CCDC149: variants seen among roughly 807,000 people sequenced by gnomAD.
The protein encoded by CCDC149 is coiled-coil domain containing 149.
A neutral mutation model predicts 59.9 loss-of-function variants in CCDC149; 45 were observed. That is an observed-to-expected ratio of 0.75 (90% CI 0.59 to 0.96). CCDC149 has a LOEUF of 0.96. Among genes scored for constraint, CCDC149 ranks in the 40% least tolerant of loss-of-function variants. The pLI is 0.00. For synonymous variants in CCDC149, 245 were observed against 260.6 expected, an observed-to-expected ratio of 0.94 and a Z score of 0.58; for missense variants, 584 against 664.7, an observed-to-expected ratio of 0.88 and a Z score of 1.33.
rs1714285476 is a variant in CCDC149, at chr4:24,807,591, T to G, written c.*798A>C. The G allele has an allele frequency of 6.6e-6, 1 of 152,108 alleles. No individual in the cohort carries two copies. Among genetic ancestry groups the G allele is most frequent in the Non-Finnish European group, 1.5e-5 (1 of 68,038 alleles). 9.4% of individuals were successfully genotyped at this position (152,108 alleles called of 1,614,324 possible). On this transcript the variant is annotated 3_prime_UTR_variant, in exon 13 of 13. Coordinates refer to ENST00000635206, the MANE Select transcript of CCDC149 (RefSeq NM_001330643.2). Reference sequence around the variant, plus strand: ...AATGCAGAGAATGAGCATTTCCAGGTGGTAGCTCTCATCTCATCTCACAAA... The same window carrying G: ...AATGCAGAGAATGAGCATTTCCAGGGGGTAGCTCTCATCTCATCTCACAAA...
intron 9 of CCDC149, chr4:24,828,580 C>T (rs1192960502): frequency 6.6e-6 from 1 of 152,008 alleles, no homozygotes; most frequent in East Asian, 1.9e-4. Flanking sequence ...GAGTTTGAGA[C>T]CAGCCTGGGC....
At chr4:24,927,327 G>A (rs13116411) in intron 1 of CCDC149, among the ~76,000 whole-genome samples, 53,029 of 152,058 alleles carry the variant, frequency 0.35, 10,073 homozygotes, top group African/African-American at 0.51. Flanking sequence ...AAGATCTTAC[G>A]TTATTAAAAA....
chr4:24,869,578 A>G (rs941522731), intron 3 of CCDC149, among the ~76,000 whole-genome samples: 2 of 152,180 alleles, frequency 1.3e-5, no homozygotes, highest in Admixed American at 6.5e-5. Context: ...TCAACCTGCT[A>G]ACATACAATT....
intron 1 of CCDC149, among the ~76,000 whole-genome samples, chr4:24,938,743 T>A (rs1722856625): frequency 6.6e-6 from 1 of 152,238 alleles, no homozygotes; most frequent in Admixed American, 6.5e-5. Flanking sequence ...CACCAGGAGA[T>A]TATATCCCGC....
intron 4 of CCDC149, among the ~76,000 whole-genome samples, chr4:24,846,310 C>T (rs941814843): frequency 2.6e-5 from 4 of 152,188 alleles, no homozygotes; most frequent in African/African-American, 9.7e-5. Context: ...GCCCTTCTCA[C>T]TCATTGTAAT....
At chr4:24,971,221 A>T (rs970392095) in intron 1 of CCDC149, among the ~76,000 whole-genome samples, 1 of 152,196 alleles carries the variant, frequency 6.6e-6, no homozygotes, top group African/African-American at 2.4e-5. Flanking sequence ...CTGGGTCCTA[A>T]TAGTCATAAG....
At chr4:24,854,806 G>C (rs563202394) in intron 3 of CCDC149, among the ~76,000 whole-genome samples, 8 of 152,236 alleles carry the variant, frequency 5.3e-5, no homozygotes, top group South Asian at 4.1e-4. Flanking sequence ...CACAGACCAG[G>C]CATGATCCTA....
chr4:24,946,749 G>T (rs1723120353), intron 1 of CCDC149, among the ~76,000 whole-genome samples: 1 of 152,144 alleles, frequency 6.6e-6, no homozygotes, highest in Admixed American at 6.5e-5. Context: ...CCATCCTAGT[G>T]GGCAAGTTAA....
rs184451941 is a variant in CCDC149, at chr4:24,935,060, G to A, written c.-64-39942C>T. 3.1e-3 allele frequency among the ~76,000 whole-genome samples: 466 copies of A among 152,316 alleles called. 2 individuals carry two copies. The highest frequency in any genetic ancestry group is 0.01 in the African/African-American group (418 of 41,572). ...ATTAGAGGAAAGAAGGAGGATAGGT[G>A]GGATGAGGGAGACCAGATAGCAGGC... On this transcript the variant is annotated intron_variant, in intron 1 of 12. Coordinates refer to the CCDC149 transcript ENST00000389609.
chr4:24,867,783 CA>C (rs1356559418), intron 3 of CCDC149, among the ~76,000 whole-genome samples: 1 of 152,238 alleles, frequency 6.6e-6, no homozygotes, highest in Non-Finnish European at 1.5e-5. Flanking sequence ...GAAAATCCAA[CA>C]AGGGGCGATC....
chr4:24,979,632 C>G (rs1000171665), intron 1 of CCDC149, among the ~76,000 whole-genome samples: 1 of 152,148 alleles, frequency 6.6e-6, no homozygotes, highest in African/African-American at 2.4e-5. Flanking sequence ...AGCAGATTCC[C>G]TGTGGTTTCA....
chr4:24,820,132 C>T, intron 11 of CCDC149, 157 bp from the exon 12 acceptor site: 1 of 599,838 alleles, frequency 1.7e-6, no homozygotes, highest in Non-Finnish European at 3.0e-6. Context: ...TACTTCCTTA[C>T]ACTATTGCAC....
chr4:24,909,261 A>T (rs1333752848), intron 1 of CCDC149, among the ~76,000 whole-genome samples: 1 of 152,116 alleles, frequency 6.6e-6, no homozygotes, highest in Non-Finnish European at 1.5e-5. Flanking sequence ...GGGAGACAGC[A>T]CCCAGGACTT....
chr4:24,828,581 C>T (rs549474192), intron 9 of CCDC149: 1 of 152,026 alleles, frequency 6.6e-6, no homozygotes, highest in Non-Finnish European at 1.5e-5. Context: ...AGTTTGAGAC[C>T]AGCCTGGGCA....
At chr4:24,905,093 G>C (rs769828478) in intron 1 of CCDC149, among the ~76,000 whole-genome samples, 6 of 151,894 alleles carry the variant, frequency 4.0e-5, no homozygotes, top group Non-Finnish European at 7.4e-5. Flanking sequence ...GTAGAGACAG[G>C]GTTTCACCAT....
intron 1 of CCDC149, among the ~76,000 whole-genome samples, chr4:24,925,045 T>C (rs979207892): frequency 5.9e-5 from 9 of 152,230 alleles, no homozygotes; most frequent in Admixed American, 5.9e-4. Context: ...TGTCCAAGTG[T>C]AGTTGAGGCT....
chr4:24,824,377 A>C (rs1715592815), intron 9 of CCDC149, among the ~76,000 whole-genome samples: 1 of 152,216 alleles, frequency 6.6e-6, no homozygotes, highest in South Asian at 2.1e-4. Context: ...CAGTAGAAAT[A>C]ATAACAATAG....
intron 4 of CCDC149, among the ~76,000 whole-genome samples, chr4:24,839,874 T>C (rs1247807513): frequency 1.3e-5 from 2 of 152,176 alleles, no homozygotes; most frequent in African/African-American, 4.8e-5. Flanking sequence ...GTTTCATATA[T>C]GAATGGGATC....
chr4:24,825,911 T>C lies in CCDC149; in HGVS notation c.966-3338A>G, dbSNP rs563659541. ...GCCATATTGAGAACATTCAGACTTT[T>C]CTGTATTGGCAATGGGGAAAGAGTG... On this transcript the variant is annotated intron_variant, in intron 9 of 12. Transcript: ENST00000635206. Among the ~76,000 whole-genome samples, 4 of 152,282 alleles carry C rather than the reference T, an allele frequency of 2.6e-5. No homozygotes were observed. In the South Asian group the frequency reaches 8.3e-4, roughly 32 times the overall value.
Sources: gnomAD v4.1 joint callset for allele counts (sites outside exome capture counted in the v4.1 genomes callset) on GRCh38, gnomAD v4.1.1 for gene constraint, MANE v1.5 for transcripts, NCBI Gene and HGNC (gene_info 2026-07-23, HGNC 2026-07-21) for gene names.